Variants in SRGAP3 observed in about 807,000 individuals in gnomAD.
The protein encoded by SRGAP3 is SLIT-ROBO Rho GTPase-activating protein 3.
Under a neutral mutation model 121.1 loss-of-function variants are expected in SRGAP3, and 39 were observed. The ratio of observed to expected loss-of-function variants is 0.32; its 90% CI spans 0.25 to 0.42. The LOEUF (loss-of-function observed/expected upper bound fraction) is 0.42. SRGAP3 is among the 10% of genes least tolerant of loss of function. SRGAP3 has a pLI of 1.00. For missense variants in SRGAP3, 1,213 were observed against 1,470.6 expected (o/e 0.82, Z 2.86); for synonymous variants, 601 against 570.0 (o/e 1.05, Z -0.77).
intron 3 of SRGAP3, among the ~76,000 whole-genome samples, chr3:9,317,690 C>A (rs1955370890): frequency 6.6e-6 from 1 of 152,214 alleles, no homozygotes; most frequent in Non-Finnish European, 1.5e-5. Context: ...CTCTAGTATG[C>A]ATCAGAAAGA....
At position 9,051,017 on chromosome 3, in the gene SRGAP3, C is replaced by CTT. The variant is rs71049766; in HGVS notation, c.1323+2008_1323+2009dup. ...AATCCAATCAATATTAGCCTCATTG[C>CTT]TTTTTTTTTTTTTTTTTTTTTTTTT... On this transcript the variant is annotated intron_variant, in intron 9 of 21. Transcript: ENST00000383836. 7.3e-4 allele frequency among the ~76,000 whole-genome samples: 60 copies of CTT among 81,856 alleles called. 7 individuals carry two copies. Among genetic ancestry groups the CTT allele is most frequent in the African/African-American group, 9.6e-4 (23 of 24,030 alleles). 53.7% of individuals were successfully genotyped at this position (81,856 alleles called of 152,430 possible).
chr3:9,262,534 C>CAAAAAAAAAAAAAAAAAAAAAAAA (rs765408588), intron 3 of SRGAP3, among the ~76,000 whole-genome samples: 6 of 25,566 alleles, frequency 2.3e-4, no homozygotes, highest in East Asian at 1.1e-3. Context: ...AAATGGAAAG[C>CAAAAAAAAAAAAAAAAAAAAAAAA]AAAAAAAAAA....
intron 3 of SRGAP3, among the ~76,000 whole-genome samples, chr3:9,298,400 C>G (rs1954989680): frequency 6.6e-6 from 1 of 152,174 alleles, no homozygotes; most frequent in South Asian, 2.1e-4. Context: ...CATAATTCAT[C>G]ATCATGTCTT....
intron 3 of SRGAP3, among the ~76,000 whole-genome samples, chr3:9,257,800 G>C (rs1954166677): frequency 7.3e-6 from 1 of 136,574 alleles, no homozygotes; most frequent in South Asian, 2.5e-4. Flanking sequence ...TGCCTCCTAG[G>C]TTCAAGCAAT....
At chr3:9,208,920 TGTCAGTATTATTACCAGCAAGGG>T (rs1456061233) in intron 1 of SRGAP3, among the ~76,000 whole-genome samples, 1 of 152,258 alleles carries the variant, frequency 6.6e-6, no homozygotes, top group Non-Finnish European at 1.5e-5. Context: ...AATCAATGTC[TGTCAGTATTATTACCAGCAAGGG>T]GCCAGAAGGC....
chr3:9,149,058 C>T (rs999220128), intron 1 of SRGAP3, among the ~76,000 whole-genome samples: 17 of 151,698 alleles, frequency 1.1e-4, no homozygotes, highest in Admixed American at 1.3e-4. Flanking sequence ...TACTAAAATA[C>T]AAAAAATTAG....
intron 14 of SRGAP3, among the ~76,000 whole-genome samples, chr3:9,021,529 ACT>A (rs997478148): frequency 1.3e-5 from 2 of 151,876 alleles, no homozygotes; most frequent in Admixed American, 1.3e-4. Flanking sequence ...TCCAACTAAA[ACT>A]CTGGTTGACT....
chr3:9,327,984 C>A (rs546529019), intron 2 of SRGAP3, among the ~76,000 whole-genome samples: 3 of 152,196 alleles, frequency 2.0e-5, no homozygotes, highest in African/African-American at 7.2e-5. Flanking sequence ...TATCCCCAGA[C>A]CTTATTTAGA....
intron 1 of SRGAP3, among the ~76,000 whole-genome samples, chr3:9,167,572 G>T (rs373838777): frequency 2.8e-4 from 43 of 152,286 alleles, no homozygotes; most frequent in African/African-American, 7.7e-4. Flanking sequence ...CCTAGGGGGG[G>T]AGCAGGAAGT....
At chr3:9,096,920 AT>A (rs950215140) in intron 3 of SRGAP3, among the ~76,000 whole-genome samples, 2 of 130,796 alleles carry the variant, frequency 1.5e-5, no homozygotes, top group South Asian at 2.5e-4. Context: ...CTAATTATAT[AT>A]TTTTTACATT....
chr3:9,242,753 T>C (rs953680760), intron 1 of SRGAP3, among the ~76,000 whole-genome samples: 1 of 152,244 alleles, frequency 6.6e-6, no homozygotes, highest in Non-Finnish European at 1.5e-5. Context: ...GGTATGATCA[T>C]GGCTGACTGC....
In SRGAP3 at chr3:9,013,436, C is replaced by T. The variant is rs1392377275; in HGVS notation, c.2019G>A (p.Val673=). The change falls in exon 17 of 22, where the codon GTG becomes GTA. Residue 673 remains valine, a synonymous_variant. Coordinates refer to ENST00000383836, the MANE Select transcript of SRGAP3 (RefSeq NM_014850.4). ...CTTCATTGATGTGTGCCTGGCAGGACACAGGGTCCTGCCCATCAGGGATGT... is the reference window on the plus strand; with the variant it reads ...CTTCATTGATGTGTGCCTGGCAGGATACAGGGTCCTGCCCATCAGGGATGT... The part of the protein sequence containing the change: ...LMHIPDGQDP[V]SCQAHINEVI... 4 of 1,613,946 alleles carry T rather than the reference C, an allele frequency of 2.5e-6. No individual in the cohort carries two copies. The highest frequency in any genetic ancestry group is 3.4e-6 in the Non-Finnish European group (4 of 1,180,028).
At chr3:9,092,078 G>C (rs1159674437) in intron 3 of SRGAP3, among the ~76,000 whole-genome samples, 1 of 152,074 alleles carries the variant, frequency 6.6e-6, no homozygotes, top group African/African-American at 2.4e-5. Context: ...CGGGAGCCCA[G>C]GCATGCACGG....
chr3:9,330,544 G>C, exon 2 of SRGAP3: 1 of 159,244 alleles, frequency 6.3e-6, no homozygotes, highest in Non-Finnish European at 1.4e-5. Context: ...TGTTCACTCA[G>C]CACTCCTGGG....
In SRGAP3 at chr3:9,348,694, G is replaced by C. The variant is rs1054078814; in HGVS notation, n.214+14146C>G. 37 of 1,149,940 alleles carry C rather than the reference G, an allele frequency of 3.2e-5. No individual in the cohort carries two copies. The Admixed American group carries it at 6.2e-4, about 19-fold the overall frequency. The allele number at this position is 1,149,940 out of a possible 1,614,324, so 71.2% of individuals were successfully genotyped here. The stretch of plus-strand genomic sequence containing the variant: ...ACGTGGCTGCCAGTAGTGAGGATTG[G>C]TGCCTCAATGAGCAGCACTCTGGGG... On this transcript the variant is annotated intron_variant and non_coding_transcript_variant, in intron 1 of 3. Transcript: ENST00000490889.
At chr3:9,182,058 C>T (rs1348047898) in intron 1 of SRGAP3, among the ~76,000 whole-genome samples, 1 of 151,596 alleles carries the variant, frequency 6.6e-6, no homozygotes, top group Non-Finnish European at 1.5e-5. Flanking sequence ...TGCCTCTAGT[C>T]CCATCTACTC....
At chr3:9,354,419 C>T (rs2030373106) in intron 1 of SRGAP3, among the ~76,000 whole-genome samples, 1 of 151,982 alleles carries the variant, frequency 6.6e-6, no homozygotes, top group Non-Finnish European at 1.5e-5. Flanking sequence ...GTGGCTCATG[C>T]CTGTAATCCC....
At chr3:9,359,110 T>C (rs757495007) in intron 1 of SRGAP3, among the ~76,000 whole-genome samples, 1 of 152,136 alleles carries the variant, frequency 6.6e-6, no homozygotes, top group Non-Finnish European at 1.5e-5. Flanking sequence ...GGGCAATAAA[T>C]GGTTACTAGG....
intron 1 of SRGAP3, among the ~76,000 whole-genome samples, chr3:9,207,096 G>T (rs1224354698): frequency 6.6e-6 from 1 of 152,140 alleles, no homozygotes; most frequent in Non-Finnish European, 1.5e-5. Context: ...GGTTTTCAGT[G>T]GGGAAATTAG....
Sources: allele counts gnomAD v4.1 joint callset (sites outside exome capture counted in the v4.1 genomes callset), GRCh38; gene constraint gnomAD v4.1.1; transcripts MANE v1.5; gene names NCBI Gene and HGNC (gene_info 2026-07-23, HGNC 2026-07-21).